VEGFB: variants seen among roughly 807,000 people sequenced by gnomAD.
VEGFB encodes the protein VEGF-related factor.
Under a neutral mutation model 22.5 loss-of-function variants are expected in VEGFB, and 24 were observed. The ratio of observed to expected loss-of-function variants is 1.07; its 90% CI spans 0.77 to 1.50. The LOEUF is 1.50. Ranked by LOEUF, VEGFB falls within the 40% of genes most tolerant of loss-of-function variation. VEGFB has a pLI of 0.00. For synonymous variants in VEGFB, 141 were observed against 117.4 expected, an observed-to-expected ratio of 1.20 and a Z score of -1.30; for missense variants, 327 against 287.8, an observed-to-expected ratio of 1.14 and a Z score of -0.99.
At position 64,236,118 on chromosome 11, in the gene VEGFB, TG is replaced by T. The variant is rs2029994189; in HGVS notation, c.300+110del. ...GGGGCTGGGGCAGCCTGGAGACTGA[TG>T]CACAGGAGACAGGGTTGGGGGGAGG... On this transcript the variant is annotated intron_variant, in intron 3 of 6. Transcript: ENST00000309422. 7 of 1,519,722 alleles carry T rather than the reference TG, an allele frequency of 4.6e-6. No individual in the cohort carries two copies. In the Admixed American group the frequency reaches 1.3e-4, roughly 28 times the overall value. The allele number at this position is 1,519,722 out of a possible 1,614,324, so 94.1% of individuals were successfully genotyped here.
chr11:64,236,170 G>A (rs1435977360), intron 3 of VEGFB, 84 bp from the exon 4 acceptor site: 13 of 1,565,306 alleles, frequency 8.3e-6, no homozygotes, highest in Non-Finnish European at 1.1e-5. Context: ...CCCGGCTGTT[G>A]GGTGAGCTTT....
At position 64,237,123 on chromosome 11, in the gene VEGFB, G is replaced by GAGA. The variant is rs1555056104; in HGVS notation, c.375-64_375-63insAGA. ...AGAGAGAGAGAGAGAGAGAGAGAGA[G>GAGA]TAGGATGCTGGGATTTCCTGATCTT... On this transcript the variant is annotated intron_variant, in intron 4 of 6. Transcript: ENST00000309422. The GAGA allele has an allele frequency of 1.0e-4, 68 of 662,918 alleles. 2 individuals are homozygous for GAGA. The highest frequency in any genetic ancestry group is 4.1e-4 in the Middle Eastern group (1 of 2,410). The allele number at this position is 662,918 out of a possible 1,614,324, so 41.1% of individuals were successfully genotyped here.
rs180769057 is a variant in VEGFB, at chr11:64,236,990, A to G, written c.375-197A>G. ...CCCAGCTACTTGGGAGGCTGAGACA[A>G]GAGAATAGCTTGAACCTGGGAGGCG... On this transcript the variant is annotated intron_variant, in intron 4 of 6. Coordinates refer to ENST00000309422, the MANE Select transcript of VEGFB (RefSeq NM_003377.5). 1.8e-3 allele frequency: 752 copies of G among 410,002 alleles called. 13 individuals carry two copies. The highest frequency in any genetic ancestry group is 0.014 in the African/African-American group (701 of 50,630). 25.4% of individuals were successfully genotyped at this position (410,002 alleles called of 1,614,324 possible).
chr11:64,237,292 CT>C, intron 5 of VEGFB, 70 bp downstream of exon 5: 2 of 1,534,308 alleles, frequency 1.3e-6, no homozygotes, highest in Non-Finnish European at 1.8e-6. Flanking sequence ...TGTTGCTCCT[CT>C]TTCTCCTCCC....
Position 64,238,776 on chromosome 11 carries a change from G to A in VEGFB, c.*443G>A, listed in dbSNP as rs939778898. On this transcript the variant is annotated 3_prime_UTR_variant, in exon 7 of 7. Coordinates refer to ENST00000309422, the MANE Select transcript of VEGFB (RefSeq NM_003377.5). Reference sequence around the variant, plus strand: ...ACTGTGACCCCCAACCCTGATAAAAGAGATGGAAGGAGCTGTCCCTGCCTG... The same window carrying A: ...ACTGTGACCCCCAACCCTGATAAAAAAGATGGAAGGAGCTGTCCCTGCCTG... The A allele has an allele frequency of 4.1e-5, 10 of 241,806 alleles. No homozygotes were observed. Among genetic ancestry groups the A allele is most frequent in the African/African-American group, 1.8e-4 (8 of 44,962 alleles). The allele number at this position is 241,806 out of a possible 1,614,324, so 15.0% of individuals were successfully genotyped here. A position where few individuals can be genotyped will look rare whatever the true frequency, so the allele number is the denominator to read the frequency against.
intron 2 of VEGFB, 27 bp from the exon 3 acceptor site, chr11:64,235,786 A>G: frequency 6.2e-7 from 1 of 1,612,604 alleles, no homozygotes. Context: ...ACCAGTGAGG[A>G]CTTAACCCCT....
At chr11:64,235,722 G>A in intron 2 of VEGFB, 91 bp from the exon 3 acceptor site, 1 of 1,488,500 alleles carries the variant, frequency 6.7e-7, no homozygotes, top group South Asian at 1.2e-5. Flanking sequence ...CTAGTGGAGG[G>A]TGGCTGTGAC....
At chr11:64,236,133 G>A (rs958433311) in intron 3 of VEGFB, 121 bp from the exon 4 acceptor site, 66 of 1,532,802 alleles carry the variant, frequency 4.3e-5, no homozygotes, top group Admixed American at 1.2e-4. Context: ...AGGAGACAGG[G>A]TTGGGGGGAG....
Position 64,234,747 on chromosome 11 carries a change from C to T in VEGFB, c.-87C>T. On this transcript the variant is annotated 5_prime_UTR_variant, in exon 1 of 7. Transcript: ENST00000309422. The surrounding 1 kb of genome is among the most constrained non-coding windows in gnomAD (Gnocchi z 5.3). ...CCCCCGCCCGCCGCGCCCGGGCCCGCGCCATGGGGCTCTGGCTGTCGCCGC... is the reference window on the plus strand; with the variant it reads ...CCCCCGCCCGCCGCGCCCGGGCCCGTGCCATGGGGCTCTGGCTGTCGCCGC... 2.1e-6 allele frequency: 1 copy of T among 480,698 alleles called. No homozygotes were observed. Among genetic ancestry groups the T allele is most frequent in the Non-Finnish European group, 2.7e-6 (1 of 371,818 alleles). The allele number at this position is 480,698 out of a possible 1,614,324, so 29.8% of individuals were successfully genotyped here.
Position 64,237,128 on chromosome 11 carries a change from ATG to A in VEGFB, c.375-58_375-57del, listed in dbSNP as rs1591081414. The A allele has an allele frequency of 5.9e-5, 71 of 1,201,416 alleles. 12 individuals are homozygous for A. In the East Asian group the frequency reaches 1.4e-3, roughly 24 times the overall value. The allele number at this position is 1,201,416 out of a possible 1,614,324, so 74.4% of individuals were successfully genotyped here. A position where few individuals can be genotyped will look rare whatever the true frequency, so the allele number is the denominator to read the frequency against. On this transcript the variant is annotated intron_variant, in intron 4 of 6. Coordinates refer to ENST00000309422, the MANE Select transcript of VEGFB (RefSeq NM_003377.5). ...GAGAGAGAGAGAGAGAGAGAGTAGGATGCTGGGATTTCCTGATCTTCCTCTTG... is the reference window on the plus strand; with the variant it reads ...GAGAGAGAGAGAGAGAGAGAGTAGGACTGGGATTTCCTGATCTTCCTCTTG...
Position 64,235,464 on chromosome 11 carries a change from G to T in VEGFB, c.67G>T (p.Val23Phe). ...LLQLAPAQAP[V>F]SQPDAPGHQR... ...GGTCTTTTCTCTCCCACAGGCCCCT[G>T]TCTCCCAGCCTGATGCCCCTGGCCA... The change falls in exon 2 of 7, where the codon GTC (valine) becomes TTC (phenylalanine). Residue 23 changes from valine to phenylalanine, a missense_variant. Transcript: ENST00000309422. 6.2e-7 allele frequency: 1 copy of T among 1,613,858 alleles called. No individual in the cohort carries two copies. Among genetic ancestry groups the T allele is most frequent in the Non-Finnish European group, 8.5e-7 (1 of 1,179,974 alleles).
In VEGFB at chr11:64,237,528, C is replaced by T. The variant is rs148171166; in HGVS notation, c.519C>T (p.Gly173=). 5 of 1,610,720 alleles carry T rather than the reference C, an allele frequency of 3.1e-6. No homozygotes were observed. The highest frequency in any genetic ancestry group is 1.1e-5 in the South Asian group (1 of 91,046). The change falls in exon 6 of 7, where the codon GGC becomes GGT. Residue 173 remains glycine (G), a synonymous_variant. Coordinates refer to ENST00000309422, the MANE Select transcript of VEGFB (RefSeq NM_003377.5). ...ADITHPTPAP[G]PSAHAAPSTT... ...TCACCCATCCCACTCCAGCCCCAGG[C>T]CCCTCTGCCCACGCTGCACCCAGCA...
At chr11:64,236,512 G>A (rs529484469) in intron 4 of VEGFB, among the ~76,000 whole-genome samples, 185 bp downstream of exon 4, 4 of 145,084 alleles carry the variant, frequency 2.8e-5, no homozygotes, top group East Asian at 2.1e-4. Flanking sequence ...TCAGGAGATC[G>A]AGACCATCCT....
Position 64,235,577 on chromosome 11 carries a change from C to T in VEGFB, c.103+77C>T, listed in dbSNP as rs1340652810. 6 of 1,448,486 alleles carry T rather than the reference C, an allele frequency of 4.1e-6. No homozygotes were observed. The African/African-American group carries it at 8.4e-5, about 20-fold the overall frequency. The allele number at this position is 1,448,486 out of a possible 1,614,324, so 89.7% of individuals were successfully genotyped here. A position where few individuals can be genotyped will look rare whatever the true frequency, so the allele number is the denominator to read the frequency against. ...GGCCCTGATTCCAGGTGTCCATCAT[C>T]TTGTGTAACTCCCCTAGAAGATTCA... On this transcript the variant is annotated intron_variant, in intron 2 of 6. Coordinates refer to ENST00000309422, the MANE Select transcript of VEGFB (RefSeq NM_003377.5).
At position 64,237,594 on chromosome 11, in the gene VEGFB, C is replaced by T. The variant is rs1171687982; in HGVS notation, c.585C>T (p.Ala195=). ...CCCCCGGACCTGCCGCTGCCGCTGC[C>T]GACGCCGCAGCTTCCTCCGTTGCCA... is the stretch of plus-strand genomic sequence containing the variant. ...ALTPGPAAAA[A]DAAASSVAKG... The change falls in exon 6 of 7, where the codon GCC becomes GCT. Residue 195 remains alanine (A), a synonymous_variant. Coordinates refer to ENST00000309422, the MANE Select transcript of VEGFB (RefSeq NM_003377.5). 14 of 1,592,174 alleles carry T rather than the reference C, an allele frequency of 8.8e-6. No individual in the cohort carries two copies. Among genetic ancestry groups the T allele is most frequent in the Admixed American group, 3.4e-5 (2 of 58,490 alleles).
chr11:64,237,422 C>T lies in VEGFB; in HGVS notation c.413C>T (p.Ala138Val), dbSNP rs771095567. The change falls in exon 6 of 7, where the codon GCT becomes GTT. Residue 138 changes from alanine (A) to valine (V), a missense_variant and splice_region_variant. Transcript: ENST00000309422. ...GACATGTCGCTTCTCCTCCCTAGGG[C>T]TGCCACTCCCCACCACCGTCCCCAG... The part of the protein sequence containing the change: ...KKDSAVKPDR[A>V]ATPHHRPQPR... 5 of 1,588,812 alleles carry T rather than the reference C, an allele frequency of 3.1e-6. No homozygotes were observed. The highest frequency in any genetic ancestry group is 1.1e-5 in the South Asian group (1 of 90,088).
chr11:64,234,862 T>C lies in VEGFB; in HGVS notation c.29T>C (p.Leu10Pro). Residue 10 changes from leucine to proline, a missense_variant, in exon 1 of 7, where the codon CTC (leucine) becomes CCC (proline). Physicochemically the swap from Leu to Pro is moderately conservative, Grantham distance 98. Transcript: ENST00000309422. This position sits in a 1 kb window ranked among gnomAD's most constrained non-coding sequence, Gnocchi z 5.3. ...AGCCCTCTGCTCCGCCGCCTGCTGC[T>C]CGCCGCACTCCTGCAGCTGGCCCCC... MSPLLRRLLLAALLQLAPAQ... is the reference protein window; with the variant it reads MSPLLRRLLPAALLQLAPAQ... 1 of 1,291,722 alleles carries C rather than the reference T, an allele frequency of 7.7e-7. No individual in the cohort carries two copies. The highest frequency in any genetic ancestry group is 9.8e-7 in the Non-Finnish European group (1 of 1,017,114). The allele number at this position is 1,291,722 out of a possible 1,614,324, so 80.0% of individuals were successfully genotyped here.
rs1555056088 is a variant in VEGFB at position 64,237,083 on chromosome 11, C to CGAGAGAGAGAGAGAGAGAG, written c.375-104_375-103insGAGAGAGAGAGAGAGAGAG. 20 of 650,486 alleles carry CGAGAGAGAGAGAGAGAGAG rather than the reference C, an allele frequency of 3.1e-5. 5 individuals are homozygous for CGAGAGAGAGAGAGAGAGAG. Among genetic ancestry groups the CGAGAGAGAGAGAGAGAGAG allele is most frequent in the African/African-American group, 8.7e-5 (3 of 34,478 alleles). 40.3% of individuals were successfully genotyped at this position (650,486 alleles called of 1,614,324 possible). A position where few individuals can be genotyped will look rare whatever the true frequency, so the allele number is the denominator to read the frequency against. On this transcript the variant is annotated intron_variant, in intron 4 of 6. Coordinates refer to ENST00000309422, the MANE Select transcript of VEGFB (RefSeq NM_003377.5). ...GGGCAAGAAGAGGGAAACACAGTCT[C>CGAGAGAGAGAGAGAGAGAG]AAAGAGAGAGAGAGAGAGAGAGAGA...
Position 64,236,979 on chromosome 11 carries a change from A to G in VEGFB, c.375-208A>G, listed in dbSNP as rs2030089329. The G allele has an allele frequency of 7.6e-6, 3 of 392,844 alleles. No homozygotes were observed. The East Asian group carries it at 1.4e-4, about 18-fold the overall frequency. 24.3% of individuals were successfully genotyped at this position (392,844 alleles called of 1,614,324 possible). On this transcript the variant is annotated intron_variant, in intron 4 of 6. Transcript: ENST00000309422. ...GTGCCTGTAATCCCAGCTACTTGGGAGGCTGAGACAAGAGAATAGCTTGAA... is the reference window on the plus strand; with the variant it reads ...GTGCCTGTAATCCCAGCTACTTGGGGGGCTGAGACAAGAGAATAGCTTGAA...
Sources: allele counts gnomAD v4.1 joint callset (sites outside exome capture counted in the v4.1 genomes callset), GRCh38; gene constraint gnomAD v4.1.1; non-coding constraint Gnocchi (gnomAD v3.1); transcripts MANE v1.5; gene names NCBI Gene and HGNC (gene_info 2026-07-23, HGNC 2026-07-21).